LPAR1: variants seen among roughly 807,000 people sequenced by gnomAD.
LPAR1 encodes the protein lysophosphatidic acid receptor 1.
In LPAR1, 5 loss-of-function variants were observed where a neutral mutation model predicts 23.8. That is an observed-to-expected ratio of 0.21 (90% CI 0.11 to 0.44). LPAR1 has a LOEUF of 0.44. LPAR1 is among the 20% of genes least tolerant of loss of function. LPAR1 has a pLI of 0.99. For missense variants in LPAR1, 311 were observed against 482.8 expected, an observed-to-expected ratio of 0.64 and a Z score of 3.33; for synonymous variants, 160 against 164.7, an observed-to-expected ratio of 0.97 and a Z score of 0.22.
At chr9:110,911,798 T>C (rs1266658253) in intron 5 of LPAR1, among the ~76,000 whole-genome samples, 1 of 152,162 alleles carries the variant, frequency 6.6e-6, no homozygotes. Context: ...TTTGTGTGAC[T>C]CACTTTATTG....
At chr9:110,969,925 G>A (rs992818162) in intron 4 of LPAR1, among the ~76,000 whole-genome samples, 1 of 152,094 alleles carries the variant, frequency 6.6e-6, no homozygotes, top group African/African-American at 2.4e-5. Flanking sequence ...CAAGACAGGA[G>A]CAGGGCATGT....
At chr9:111,019,472 G>T (rs1236854436) in intron 2 of LPAR1, among the ~76,000 whole-genome samples, 1 of 152,172 alleles carries the variant, frequency 6.6e-6, no homozygotes, top group Non-Finnish European at 1.5e-5. Flanking sequence ...AAAAGGAAGA[G>T]AGTTAGGCAG....
chr9:110,980,167 G>C (rs546784990), intron 2 of LPAR1, among the ~76,000 whole-genome samples: 34 of 151,968 alleles, frequency 2.2e-4, no homozygotes, highest in African/African-American at 8.0e-4. Context: ...GTATGTGAAT[G>C]GTACACTTTG....
chr9:110,971,296 A>C (rs559653467), intron 4 of LPAR1, among the ~76,000 whole-genome samples: 1 of 152,328 alleles, frequency 6.6e-6, no homozygotes, highest in Admixed American at 6.5e-5. Flanking sequence ...TTTTATCCAT[A>C]TAACCATCAT....
Position 110,874,425 on chromosome 9 carries a change from A to AT in LPAR1, c.*995_*996insA. ...TAAAAAAAGTATACAATACACATAT[A>AT]GGCATACATGGGGGTTGCTTTTTAA... On this transcript the variant is annotated 3_prime_UTR_variant, in exon 6 of 6. Coordinates refer to ENST00000683809, the MANE Select transcript of LPAR1 (RefSeq NM_001351411.2). 1 of 152,650 alleles carries AT rather than the reference A, an allele frequency of 6.6e-6. No individual in the cohort carries two copies. The highest frequency in any genetic ancestry group is 2.4e-5 in the African/African-American group (1 of 41,452). The allele number at this position is 152,650 out of a possible 1,614,324, so 9.5% of individuals were successfully genotyped here.
chr9:110,907,916 AACACACACACACACACACAC>A (rs35043548), intron 5 of LPAR1, among the ~76,000 whole-genome samples: 2 of 139,712 alleles, frequency 1.4e-5, no homozygotes, highest in Admixed American at 7.2e-5. Flanking sequence ...CCTTTGACAA[AACACACACACACACACACAC>A]ACACACACAC....
intron 5 of LPAR1, among the ~76,000 whole-genome samples, chr9:110,892,347 C>A (rs1257963381): frequency 2.0e-5 from 3 of 152,094 alleles, no homozygotes; most frequent in Non-Finnish European, 4.4e-5. Flanking sequence ...TCTTTAGTTT[C>A]TTCTTCTAGT....
intron 5 of LPAR1, among the ~76,000 whole-genome samples, chr9:110,880,023 C>T (rs1333036401): frequency 1.3e-5 from 2 of 152,140 alleles, no homozygotes; most frequent in Non-Finnish European, 1.5e-5. Flanking sequence ...AATGGAAATG[C>T]CTTAATTACA....
intron 2 of LPAR1, among the ~76,000 whole-genome samples, chr9:110,998,704 C>T (rs931864345): frequency 6.6e-6 from 1 of 152,120 alleles, no homozygotes; most frequent in South Asian, 2.1e-4. Context: ...TGGAGGGTGT[C>T]GCCCAAGGCA....
chr9:110,948,984 G>A (rs994517041), intron 4 of LPAR1, among the ~76,000 whole-genome samples: 4 of 151,666 alleles, frequency 2.6e-5, no homozygotes, highest in African/African-American at 9.7e-5. Flanking sequence ...TCAGGCTCCA[G>A]ATTGGAAAAT....
chr9:111,037,614 T>G (rs1436489300), intron 1 of LPAR1, among the ~76,000 whole-genome samples: 1 of 152,144 alleles, frequency 6.6e-6, no homozygotes, highest in East Asian at 1.9e-4. Context: ...GGACAGAAAC[T>G]TAGTTAAAAG....
At chr9:110,889,149 C>T (rs1437396085) in intron 5 of LPAR1, among the ~76,000 whole-genome samples, 1 of 152,114 alleles carries the variant, frequency 6.6e-6, no homozygotes, top group Non-Finnish European at 1.5e-5. Flanking sequence ...ATCACGAGGT[C>T]AGGAGATCGA....
At chr9:110,936,535 G>A (rs1259402660) in intron 5 of LPAR1, among the ~76,000 whole-genome samples, 3 of 152,118 alleles carry the variant, frequency 2.0e-5, no homozygotes, top group Middle Eastern at 3.2e-3. Context: ...TTCCCTCAAC[G>A]TAAAATGAGG....
chr9:110,938,614 G>A (rs911033101), intron 5 of LPAR1, among the ~76,000 whole-genome samples: 1 of 151,850 alleles, frequency 6.6e-6, no homozygotes, highest in South Asian at 2.1e-4. Flanking sequence ...AGCATTTTGG[G>A]AGGCCAAGGC....
intron 4 of LPAR1, 39 bp from the exon 5 acceptor site, chr9:110,942,207 A>C: frequency 6.4e-7 from 1 of 1,556,486 alleles, no homozygotes; most frequent in Non-Finnish European, 8.7e-7. Context: ...AAAAGAAGGC[A>C]CAGGTCCAAA....
intron 4 of LPAR1, among the ~76,000 whole-genome samples, chr9:110,953,769 T>C (rs1474161012): frequency 6.6e-6 from 1 of 151,952 alleles, no homozygotes; most frequent in African/African-American, 2.4e-5. Context: ...CAAAGTGACC[T>C]ACACAACCAA....
intron 4 of LPAR1, among the ~76,000 whole-genome samples, chr9:110,968,173 A>T (rs764173857): frequency 1.3e-5 from 2 of 152,308 alleles, no homozygotes; most frequent in Middle Eastern, 3.4e-3. Context: ...GGTTTGAAAG[A>T]CCCTGTAAAA....
intron 4 of LPAR1, among the ~76,000 whole-genome samples, chr9:110,968,818 G>T (rs1027903470): frequency 6.6e-6 from 1 of 152,166 alleles, no homozygotes; most frequent in Non-Finnish European, 1.5e-5. Flanking sequence ...TATGTGCCCA[G>T]AATATGTGCC....
chr9:110,933,447 C>T (rs1264917700), intron 5 of LPAR1, among the ~76,000 whole-genome samples: 1 of 152,142 alleles, frequency 6.6e-6, no homozygotes, highest in Non-Finnish European at 1.5e-5. Context: ...TAAATCAGTT[C>T]ATCTAATGCT....
Sources: allele counts gnomAD v4.1 joint callset (sites outside exome capture counted in the v4.1 genomes callset), GRCh38; gene constraint gnomAD v4.1.1; transcripts MANE v1.5; gene names NCBI Gene and HGNC (gene_info 2026-07-23, HGNC 2026-07-21).